Variants in EXT1 observed in about 807,000 individuals in gnomAD.
The protein encoded by EXT1 is exostosin glycosyltransferase 1.
EXT1 carries 20 observed loss-of-function variants against 82.5 expected under a neutral mutation model. That is an observed-to-expected ratio of 0.24 (90% CI 0.17 to 0.35). EXT1 has a LOEUF of 0.35. Among genes scored for constraint, EXT1 ranks in the 10% least tolerant of loss-of-function variants. EXT1 has a pLI of 1.00. For synonymous variants in EXT1, 348 were observed against 350.8 expected (o/e 0.99, Z 0.09); for missense variants, 757 against 936.5 (o/e 0.81, Z 2.50).
intron 1 of EXT1, among the ~76,000 whole-genome samples, chr8:117,950,037 C>T (rs1398844175): frequency 2.0e-5 from 3 of 151,970 alleles, no homozygotes; most frequent in African/African-American, 7.2e-5. Context: ...CCAGCCTGGC[C>T]GACATGGTAA....
At chr8:117,800,057 G>A (rs1026048514) in intron 10 of EXT1, among the ~76,000 whole-genome samples, 160 bp from the exon 11 acceptor site, 8 of 152,206 alleles carry the variant, frequency 5.3e-5, no homozygotes, top group East Asian at 1.9e-4. Flanking sequence ...AAATGCAATC[G>A]CTGATATTGG....
intron 1 of EXT1, among the ~76,000 whole-genome samples, chr8:118,090,729 A>C (rs1817507169): frequency 1.4e-5 from 2 of 138,588 alleles, no homozygotes; most frequent in African/African-American, 2.7e-5. Flanking sequence ...CAGTGGGCCA[A>C]GATAGGGCCA....
chr8:117,838,249 G>C (rs1047759847), intron 1 of EXT1, among the ~76,000 whole-genome samples: 2 of 152,162 alleles, frequency 1.3e-5, no homozygotes, highest in African/African-American at 4.8e-5. Flanking sequence ...TTTGACAGTA[G>C]CATATGTCAC....
At chr8:117,929,393 C>T (rs932122162) in intron 1 of EXT1, among the ~76,000 whole-genome samples, 2 of 152,224 alleles carry the variant, frequency 1.3e-5, no homozygotes, top group Middle Eastern at 6.3e-3. Context: ...CGAGCACTTC[C>T]TCCCTGCTCT....
intron 1 of EXT1, among the ~76,000 whole-genome samples, chr8:117,959,020 G>T (rs1198501163): frequency 1.3e-5 from 2 of 152,198 alleles, no homozygotes; most frequent in Admixed American, 1.3e-4. Context: ...AAACAGTCCA[G>T]GTTCTAACTG....
intron 1 of EXT1, among the ~76,000 whole-genome samples, chr8:118,045,140 G>T (rs1045616995): frequency 6.6e-6 from 1 of 152,146 alleles, no homozygotes; most frequent in African/African-American, 2.4e-5. Context: ...GTCCTTGCCA[G>T]TCATCTACCT....
chr8:117,956,120 C>G (rs1165017187), intron 1 of EXT1, among the ~76,000 whole-genome samples: 1 of 150,676 alleles, frequency 6.6e-6, no homozygotes, highest in Non-Finnish European at 1.5e-5. Context: ...TAATGAATGA[C>G]AACAACACAC....
chr8:118,000,043 T>A (rs1204306578), intron 1 of EXT1, among the ~76,000 whole-genome samples: 2 of 152,160 alleles, frequency 1.3e-5, no homozygotes, highest in African/African-American at 4.8e-5. Flanking sequence ...ACACAGTTTA[T>A]TTTTTCCTGA....
rs11562816 is a variant in EXT1, at chr8:117,998,984, C to T, written c.962+111101G>A. 2.8e-3 allele frequency among the ~76,000 whole-genome samples: 429 copies of T among 152,304 alleles called. 3 individuals are homozygous for T. Among genetic ancestry groups the T allele is most frequent in the African/African-American group, 9.5e-3 (394 of 41,560 alleles). On this transcript the variant is annotated intron_variant, in intron 1 of 10. Coordinates refer to ENST00000378204, the MANE Select transcript of EXT1 (RefSeq NM_000127.3). ...ACATAAGTCATGTATAAACACAAAG[C>T]CAGGGATGGAGTAGGCCCGTGATCA...
At chr8:117,858,772 G>GGCAGGCAA (rs1475611390) in intron 1 of EXT1, among the ~76,000 whole-genome samples, 3 of 114,846 alleles carry the variant, frequency 2.6e-5, no homozygotes, top group Non-Finnish European at 5.3e-5. Flanking sequence ...AAGGAAGGCA[G>GGCAGGCAA]GCAGGCAGGC....
Position 118,022,290 on chromosome 8 carries a change from T to TA in EXT1, c.962+87794dup, listed in dbSNP as rs1194595304. Among the ~76,000 whole-genome samples, 3 of 146,448 alleles carry TA rather than the reference T, an allele frequency of 2.0e-5. No homozygotes were observed. The East Asian group carries it at 6.0e-4, about 29-fold the overall frequency. ...ATTAATGCAGGGGGAGGCAATATATTAAAAAAAGATATACTTGGCCGGGCG... is the reference window on the plus strand; with the variant it reads ...ATTAATGCAGGGGGAGGCAATATATTAAAAAAAAGATATACTTGGCCGGGCG... On this transcript the variant is annotated intron_variant, in intron 1 of 10. Transcript: ENST00000378204.
chr8:118,058,135 CACAG>C (rs979658539), intron 1 of EXT1, among the ~76,000 whole-genome samples: 2 of 152,052 alleles, frequency 1.3e-5, no homozygotes, highest in African/African-American at 4.8e-5. Context: ...CCCACTCACA[CACAG>C]ACAGACACAA....
chr8:118,019,397 G>A (rs1178014397), intron 1 of EXT1, among the ~76,000 whole-genome samples: 1 of 152,176 alleles, frequency 6.6e-6, no homozygotes, highest in African/African-American at 2.4e-5. Context: ...TGTGTTTGTG[G>A]ACAGAGAGAA....
chr8:118,027,066 C>A (rs1163590225), intron 1 of EXT1, among the ~76,000 whole-genome samples: 2 of 152,104 alleles, frequency 1.3e-5, no homozygotes, highest in Non-Finnish European at 2.9e-5. Flanking sequence ...CACAGTGAGA[C>A]CCCATCCCCA....
chr8:117,990,796 A>G (rs955111813), intron 1 of EXT1, among the ~76,000 whole-genome samples: 2 of 152,226 alleles, frequency 1.3e-5, no homozygotes, highest in South Asian at 2.1e-4. Context: ...GGCACCGTGC[A>G]TGGAGGAAAA....
chr8:117,962,989 T>A (rs1229247763), intron 1 of EXT1, among the ~76,000 whole-genome samples: 3 of 152,236 alleles, frequency 2.0e-5, no homozygotes, highest in African/African-American at 7.2e-5. Flanking sequence ...TGAATGTGTG[T>A]TCCAAGGTAG....
intron 1 of EXT1, among the ~76,000 whole-genome samples, chr8:118,004,067 T>C (rs768441425): frequency 3.9e-5 from 6 of 152,024 alleles, no homozygotes; most frequent in South Asian, 2.1e-4. Context: ...CTTCAAAGAA[T>C]AGAAATAGTT....
chr8:117,931,144 C>G (rs569663618), intron 1 of EXT1, among the ~76,000 whole-genome samples: 2 of 152,308 alleles, frequency 1.3e-5, no homozygotes, highest in African/African-American at 4.8e-5. Context: ...AATCAACAGT[C>G]CTCGGGGCTG....
At chr8:117,858,807 AGGCAGG>A (rs1285430675) in intron 1 of EXT1, among the ~76,000 whole-genome samples, 24 of 67,750 alleles carry the variant, frequency 3.5e-4, no homozygotes, top group African/African-American at 1.8e-3. Context: ...AGGCAAGGCA[AGGCAGG>A]AAGGAAGGAA....
Sources: gnomAD v4.1 joint callset for allele counts (sites outside exome capture counted in the v4.1 genomes callset) on GRCh38, gnomAD v4.1.1 for gene constraint, MANE v1.5 for transcripts, NCBI Gene and HGNC (gene_info 2026-07-23, HGNC 2026-07-21) for gene names.